Variants in MCTP2 observed in about 807,000 individuals in gnomAD.
MCTP2 encodes the protein multiple C2 and transmembrane domain-containing protein 2.
A neutral mutation model predicts 111.6 loss-of-function variants in MCTP2; 132 were observed. The ratio of observed to expected loss-of-function variants is 1.18; its 90% CI spans 1.03 to 1.37. MCTP2 has a LOEUF of 1.37. Ranked by LOEUF, MCTP2 falls within the 40% of genes most tolerant of loss-of-function variation. The pLI, the probability that MCTP2 is intolerant of heterozygous loss-of-function variation, is 0.00. For synonymous variants in MCTP2, 395 were observed against 387.7 expected, an observed-to-expected ratio of 1.02 and a Z score of -0.22; for missense variants, 1,183 against 1,067.9, an observed-to-expected ratio of 1.11 and a Z score of -1.50.
chr15:94,440,412 G>T, intron 18 of MCTP2, 114 bp downstream of exon 18: 1 of 1,312,326 alleles, frequency 7.6e-7, no homozygotes, highest in South Asian at 1.4e-5. Flanking sequence ...GTAAGGAGCA[G>T]CCCTGCAAAG....
At chr15:94,297,294 T>C (rs7402365) in intron 1 of MCTP2, among the ~76,000 whole-genome samples, 37,513 of 152,116 alleles carry the variant, frequency 0.25, 4,899 homozygotes, top group Middle Eastern at 0.31. Flanking sequence ...CCCTACTCTG[T>C]AATTACGTAT....
At chr15:94,411,181 G>A (rs1285117702) in intron 17 of MCTP2, among the ~76,000 whole-genome samples, 4 of 152,186 alleles carry the variant, frequency 2.6e-5, no homozygotes, top group Non-Finnish European at 4.4e-5. Flanking sequence ...TAGAAATAGG[G>A]GGACCTGGTG....
intron 1 of MCTP2, among the ~76,000 whole-genome samples, chr15:94,242,960 CGT>C (rs1255351941): frequency 1.9e-5 from 2 of 102,830 alleles, no homozygotes; most frequent in Non-Finnish European, 4.2e-5. Flanking sequence ...CACATATACA[CGT>C]GTATATGTGT....
intron 17 of MCTP2, among the ~76,000 whole-genome samples, chr15:94,407,561 G>A (rs1455025000): frequency 2.0e-5 from 3 of 152,092 alleles, no homozygotes; most frequent in Admixed American, 1.3e-4. Flanking sequence ...ACTGAAATAT[G>A]ATACACAAAT....
intron 12 of MCTP2, among the ~76,000 whole-genome samples, chr15:94,377,023 C>T (rs1215611040): frequency 1.3e-5 from 2 of 152,176 alleles, no homozygotes; most frequent in Admixed American, 6.5e-5. Context: ...CTGCCTTGTA[C>T]TATGATACTG....
At chr15:94,460,102 G>A (rs991002725) in intron 20 of MCTP2, among the ~76,000 whole-genome samples, 1 of 152,188 alleles carries the variant, frequency 6.6e-6, no homozygotes, top group Non-Finnish European at 1.5e-5. Context: ...CTATTTCAAT[G>A]AGGGAGAAAC....
At chr15:94,341,477 G>A (rs1206264391) in intron 7 of MCTP2, 1 of 152,172 alleles carries the variant, frequency 6.6e-6, no homozygotes, top group East Asian at 1.9e-4. Context: ...TATTTGAAAA[G>A]TATTTTTAAA....
chr15:94,396,189 A>G (rs1394531255), intron 14 of MCTP2, among the ~76,000 whole-genome samples: 1 of 152,182 alleles, frequency 6.6e-6, no homozygotes, highest in Non-Finnish European at 1.5e-5. Context: ...AGTCCTCCCA[A>G]ATGTCAGCTC....
chr15:94,276,163 A>G (rs2074201154), intron 1 of MCTP2, among the ~76,000 whole-genome samples: 1 of 152,160 alleles, frequency 6.6e-6, no homozygotes, highest in Non-Finnish European at 1.5e-5. Flanking sequence ...GTTTTTAAAG[A>G]AACAACTTTG....
At chr15:94,405,435 A>G (rs1453386568) in intron 17 of MCTP2, among the ~76,000 whole-genome samples, 1 of 152,180 alleles carries the variant, frequency 6.6e-6, no homozygotes, top group African/African-American at 2.4e-5. Flanking sequence ...ATCTTGTTGA[A>G]AGCAGCAGTT....
intron 20 of MCTP2, among the ~76,000 whole-genome samples, chr15:94,462,997 C>T (rs991863784): frequency 2.6e-5 from 4 of 152,122 alleles, no homozygotes; most frequent in African/African-American, 4.8e-5. Context: ...ACCATTTTAA[C>T]ACTAAAATTG....
rs528090178 is a variant in MCTP2 at position 94,243,904 on chromosome 15, T to C, written c.-66+12240T>C. ...TTATGTACACATATATGTATACACA[T>C]ACATATGTGTATATATTTACACATA... is the stretch of plus-strand genomic sequence containing the variant. On this transcript the variant is annotated intron_variant, in intron 1 of 22. Transcript: ENST00000357742. Among the ~76,000 whole-genome samples the C allele has an allele frequency of 3.6e-5, 5 of 138,238 alleles. No individual in the cohort carries two copies. In the South Asian group the frequency reaches 1.2e-3, roughly 32 times the overall value. 90.7% of individuals were successfully genotyped at this position (138,238 alleles called of 152,430 possible).
chr15:94,467,144 G>C (rs2073414669), intron 20 of MCTP2, among the ~76,000 whole-genome samples: 3 of 152,184 alleles, frequency 2.0e-5, no homozygotes, highest in Non-Finnish European at 1.5e-5. Flanking sequence ...CTGTTTTAGA[G>C]ATGGGAAAAT....
chr15:94,352,237 C>G (rs2078344748), intron 8 of MCTP2, among the ~76,000 whole-genome samples: 1 of 152,206 alleles, frequency 6.6e-6, no homozygotes, highest in Non-Finnish European at 1.5e-5. Context: ...CAAAGTTTCT[C>G]CCCTTCCTGC....
At chr15:94,396,347 G>C (rs1395848484) in intron 14 of MCTP2, among the ~76,000 whole-genome samples, 2 of 151,870 alleles carry the variant, frequency 1.3e-5, no homozygotes, top group Non-Finnish European at 2.9e-5. Flanking sequence ...AATTATGTCT[G>C]TTTAATTATT....
chr15:94,301,929 C>T (rs1237675423), intron 2 of MCTP2, among the ~76,000 whole-genome samples: 1 of 150,046 alleles, frequency 6.7e-6, no homozygotes, highest in Non-Finnish European at 1.5e-5. Flanking sequence ...TATGGCTTAT[C>T]TGTTTCTTCC....
intron 1 of MCTP2, among the ~76,000 whole-genome samples, chr15:94,270,581 A>G (rs2073856100): frequency 6.6e-6 from 1 of 151,722 alleles, no homozygotes; most frequent in Admixed American, 6.6e-5. Flanking sequence ...TTCCAACCAC[A>G]CTGGCCTCCT....
chr15:94,433,833 T>C (rs961497899), intron 17 of MCTP2, among the ~76,000 whole-genome samples: 1 of 152,238 alleles, frequency 6.6e-6, no homozygotes, highest in Non-Finnish European at 1.5e-5. Context: ...TTTTAATTTG[T>C]GTTTTCCTAA....
intron 10 of MCTP2, among the ~76,000 whole-genome samples, chr15:94,359,331 C>A (rs542743349): frequency 1.3e-5 from 2 of 152,328 alleles, no homozygotes; most frequent in East Asian, 3.9e-4. Context: ...ATTACTTAGT[C>A]ATGAGCTCCA....
Sources: gnomAD v4.1 joint callset for allele counts (sites outside exome capture counted in the v4.1 genomes callset) on GRCh38, gnomAD v4.1.1 for gene constraint, MANE v1.5 for transcripts, NCBI Gene and HGNC (gene_info 2026-07-23, HGNC 2026-07-21) for gene names.